Variants in TAFA5 observed in about 807,000 individuals in gnomAD.
TAFA5 encodes the protein chemokine-like protein TAFA-5.
In TAFA5, 6 loss-of-function variants were observed where a neutral mutation model predicts 15.3. That is an observed-to-expected ratio of 0.39 (90% CI 0.21 to 0.77). TAFA5 has a LOEUF of 0.77. Among genes scored for constraint, TAFA5 ranks in the 30% least tolerant of loss-of-function variants. TAFA5 has a pLI of 0.41. For synonymous variants in TAFA5, 103 were observed against 80.7 expected (o/e 1.28, Z -1.48); for missense variants, 161 against 193.1 (o/e 0.83, Z 0.98).
chr22:48,501,456 G>C (rs1167815803), intron 1 of TAFA5, among the ~76,000 whole-genome samples: 1 of 152,230 alleles, frequency 6.6e-6, no homozygotes, highest in African/African-American at 2.4e-5. Flanking sequence ...GTGAACTCGG[G>C]TGACGGCCTC....
chr22:48,632,227 C>T (rs1926256551), intron 1 of TAFA5, among the ~76,000 whole-genome samples: 1 of 152,194 alleles, frequency 6.6e-6, no homozygotes, highest in African/African-American at 2.4e-5. Context: ...CCCTGCCTGC[C>T]TCCCACCTAC....
At chr22:48,581,815 C>G (rs772643449) in intron 1 of TAFA5, among the ~76,000 whole-genome samples, 1 of 152,134 alleles carries the variant, frequency 6.6e-6, no homozygotes, top group Non-Finnish European at 1.5e-5. Flanking sequence ...AAAATACAGC[C>G]CCTTCGTTAG....
chr22:48,635,122 C>T (rs550633613), intron 1 of TAFA5, among the ~76,000 whole-genome samples: 1 of 152,142 alleles, frequency 6.6e-6, no homozygotes, highest in Non-Finnish European at 1.5e-5. Context: ...CACAGCCGGC[C>T]TTGTTCCCGT....
chr22:48,576,421 T>A, intron 1 of TAFA5: 1 of 1,274,608 alleles, frequency 7.8e-7, no homozygotes, highest in African/African-American at 1.5e-5. Context: ...GGGGCGCTGA[T>A]GCGGCGCCTG....
At chr22:48,563,922 G>A (rs1923322500) in intron 1 of TAFA5, among the ~76,000 whole-genome samples, 1 of 152,234 alleles carries the variant, frequency 6.6e-6, no homozygotes, top group Non-Finnish European at 1.5e-5. Context: ...CTGGAGCCGG[G>A]CATCCTTGTC....
chr22:48,711,461 A>T (rs1485497383), intron 3 of TAFA5, among the ~76,000 whole-genome samples: 1 of 151,978 alleles, frequency 6.6e-6, no homozygotes, highest in Non-Finnish European at 1.5e-5. Flanking sequence ...CTCTGGGAAC[A>T]GCAGGAGAGC....
Position 48,749,857 on chromosome 22 carries a change from C to A in TAFA5, c.*10C>A. 6.4e-7 allele frequency: 1 copy of A among 1,558,184 alleles called. No individual in the cohort carries two copies. The highest frequency in any genetic ancestry group is 8.7e-7 in the Non-Finnish European group (1 of 1,150,316). On this transcript the variant is annotated 3_prime_UTR_variant, in exon 4 of 4. Transcript: ENST00000402357. ...TCCTCAGGTCTCCTGACAAACACAG[C>A]CCCTGAGGGGCCCCGGGAGTGGCCT...
At chr22:48,648,830 A>AC (rs1485991075) in intron 2 of TAFA5, among the ~76,000 whole-genome samples, 7,669 of 152,302 alleles carry the variant, frequency 0.05, 638 homozygotes, top group African/African-American at 0.17. Flanking sequence ...TCTGTCTCAA[A>AC]AAAACAAACA....
intron 2 of TAFA5, 97 bp from the exon 3 acceptor site, chr22:48,707,612 TGCCTGAGG>T: frequency 7.1e-7 from 1 of 1,412,916 alleles, no homozygotes; most frequent in Non-Finnish European, 9.6e-7. Context: ...CGCCGGGCAT[TGCCTGAGG>T]GCCCCCCCAG....
chr22:48,742,665 C>T lies in TAFA5; in HGVS notation c.391-7174C>T, dbSNP rs1013782464. On this transcript the variant is annotated intron_variant, in intron 3 of 3. Transcript: ENST00000402357. This position sits in a 1 kb window ranked among gnomAD's most constrained non-coding sequence, Gnocchi z 6.2. ...CCGGGCCGCATGGTGGACCAGGCAA[C>T]GTGGTAGACCGGGCAGTGTGATGGA... is the stretch of plus-strand genomic sequence containing the variant. Among the ~76,000 whole-genome samples, 9 of 151,674 alleles carry T rather than the reference C, an allele frequency of 5.9e-5. No individual in the cohort carries two copies. Among genetic ancestry groups the T allele is most frequent in the African/African-American group, 1.7e-4 (7 of 41,310 alleles).
At chr22:48,691,614 T>A (rs1172408492) in intron 2 of TAFA5, among the ~76,000 whole-genome samples, 2 of 152,214 alleles carry the variant, frequency 1.3e-5, no homozygotes, top group Non-Finnish European at 2.9e-5. Context: ...GAGCAGGCTC[T>A]TCTTCTGCCC....
rs1930213258 is a variant in TAFA5, at chr22:48,742,613, G to A, written c.391-7226G>A. Among the ~76,000 whole-genome samples the A allele has an allele frequency of 1.3e-5, 2 of 151,988 alleles. No homozygotes were observed. Among genetic ancestry groups the A allele is most frequent in the Admixed American group, 6.6e-5 (1 of 15,260 alleles). ...ACCAGGCGACATGGTGGACCGGGCC[G>A]CATGGTGGACCAGGCAACGTGGTAG... On this transcript the variant is annotated intron_variant, in intron 3 of 3. Transcript: ENST00000402357. This position sits in a 1 kb window ranked among gnomAD's most constrained non-coding sequence, Gnocchi z 6.2.
At chr22:48,556,326 T>G (rs1407952212) in intron 1 of TAFA5, among the ~76,000 whole-genome samples, 2 of 152,044 alleles carry the variant, frequency 1.3e-5, no homozygotes, top group Non-Finnish European at 2.9e-5. Context: ...TCCGGGGACC[T>G]AGTGAGGTTG....
At chr22:48,610,388 T>C (rs1439575726) in intron 1 of TAFA5, among the ~76,000 whole-genome samples, 1 of 152,236 alleles carries the variant, frequency 6.6e-6, no homozygotes, top group Non-Finnish European at 1.5e-5. Flanking sequence ...CACGAGGTCC[T>C]CGCCTTGCGC....
intron 1 of TAFA5, among the ~76,000 whole-genome samples, chr22:48,605,262 TGGTG>T (rs1925130593): frequency 6.7e-6 from 1 of 149,614 alleles, no homozygotes; most frequent in Non-Finnish European, 1.5e-5. Flanking sequence ...ATGAGGGTGA[TGGTG>T]AGGATGATGG....
At chr22:48,658,083 T>C (rs1325466098) in intron 2 of TAFA5, among the ~76,000 whole-genome samples, 1 of 152,178 alleles carries the variant, frequency 6.6e-6, no homozygotes, top group African/African-American at 2.4e-5. Context: ...GCCCAGCATG[T>C]GGTGCTGGCG....
chr22:48,661,276 C>A (rs1165202810), intron 2 of TAFA5, among the ~76,000 whole-genome samples: 1 of 152,188 alleles, frequency 6.6e-6, no homozygotes, highest in Non-Finnish European at 1.5e-5. Flanking sequence ...CCCTCGGCCC[C>A]GAGCCGCCTC....
intron 1 of TAFA5, among the ~76,000 whole-genome samples, chr22:48,608,093 C>G (rs1925263537): frequency 6.6e-6 from 1 of 151,488 alleles, no homozygotes; most frequent in Non-Finnish European, 1.5e-5. Flanking sequence ...TCCCACGGCC[C>G]CAGGCTGCCA....
Position 48,598,211 on chromosome 22 carries a change from G to A in TAFA5, c.113-48386G>A, listed in dbSNP as rs1924840726. 6.6e-6 allele frequency among the ~76,000 whole-genome samples: 1 copy of A among 152,120 alleles called. No individual in the cohort carries two copies. The highest frequency in any genetic ancestry group is 6.5e-5 in the Admixed American group (1 of 15,276). On this transcript the variant is annotated intron_variant, in intron 1 of 3. Transcript: ENST00000402357. This position sits in a 1 kb window ranked among gnomAD's most constrained non-coding sequence, Gnocchi z 4.0. ...TCTTTGTCCATTGAGGCCTTCACCT[G>A]CTTGGATAGGGCCCACCCACAGTAT...
Sources: allele counts gnomAD v4.1 joint callset (sites outside exome capture counted in the v4.1 genomes callset), GRCh38; gene constraint gnomAD v4.1.1; non-coding constraint Gnocchi (gnomAD v3.1); transcripts MANE v1.5; gene names NCBI Gene and HGNC (gene_info 2026-07-23, HGNC 2026-07-21).